The following DNAH6 variants were observed in gnomAD, a reference collection of about 807,000 sequenced individuals.
The protein encoded by DNAH6 is dynein axonemal heavy chain 6.
Under a neutral mutation model 491.4 loss-of-function variants are expected in DNAH6, and 340 were observed. That is an observed-to-expected ratio of 0.69 (90% CI 0.63 to 0.76). The LOEUF (loss-of-function observed/expected upper bound fraction) is 0.76, where lower values mean the gene tolerates loss of function less well. DNAH6 is among the 30% of genes least tolerant of loss of function. The pLI is 0.00. For synonymous variants in DNAH6, 1,603 were observed against 1,686.1 expected, an observed-to-expected ratio of 0.95 and a Z score of 1.21; for missense variants, 4,443 against 4,972.2, an observed-to-expected ratio of 0.89 and a Z score of 3.20.
intron 23 of DNAH6, 117 bp from the exon 24 acceptor site, chr2:84,619,567 TG>T: frequency 1.2e-6 from 1 of 866,138 alleles, no homozygotes; most frequent in Non-Finnish European, 1.8e-6. Context: ...CCAGTATAAT[TG>T]GAGGTCCAGG....
chr2:84,729,998 A>C (rs1698992679), intron 61 of DNAH6, among the ~76,000 whole-genome samples: 1 of 152,212 alleles, frequency 6.6e-6, no homozygotes, highest in African/African-American at 2.4e-5. Context: ...TTGTGTCATT[A>C]TGCAAGGAAA....
the DNAH6 span, among the ~76,000 whole-genome samples, chr2:84,491,250 C>T: frequency 2.6e-5 from 4 of 152,168 alleles, no homozygotes; most frequent in Admixed American, 6.5e-5. Context: ...TATGTGAGTT[C>T]CAGTTTCAAC....
chr2:84,777,634 A>T, intron 64 of DNAH6: 5 of 805,432 alleles, frequency 6.2e-6, no homozygotes, highest in Non-Finnish European at 1.1e-5. Flanking sequence ...CATCAGCAAC[A>T]TTCACTCCAC....
chr2:84,518,759 GAACAAATATAAATGAACAAAATA>G (rs765190747), intron 2 of DNAH6, among the ~76,000 whole-genome samples: 33 of 152,156 alleles, frequency 2.2e-4, no homozygotes, highest in Non-Finnish European at 4.1e-4. Flanking sequence ...CAAAGCAAAT[GAACAAATATAAATGAACAAAATA>G]AACAAATATA....
At chr2:84,642,116 T>C in intron 33 of DNAH6, 62 bp downstream of exon 33, 2 of 1,063,044 alleles carry the variant, frequency 1.9e-6, no homozygotes, top group Non-Finnish European at 2.7e-6. Context: ...TGGTAGTCTT[T>C]TCTTCAATTA....
chr2:84,657,739 A>G (rs974334357), intron 35 of DNAH6, among the ~76,000 whole-genome samples: 3 of 152,000 alleles, frequency 2.0e-5, no homozygotes, highest in Non-Finnish European at 4.4e-5. Context: ...GATTTTCTAC[A>G]TAGACAATTA....
At chr2:84,553,980 G>A (rs1343937606) in intron 10 of DNAH6, among the ~76,000 whole-genome samples, 1 of 152,120 alleles carries the variant, frequency 6.6e-6, no homozygotes, top group Non-Finnish European at 1.5e-5. Context: ...CAGGCTGCTG[G>A]AAGAATTCAG....
At chr2:84,491,180 A>G in the DNAH6 span, among the ~76,000 whole-genome samples, 1 of 152,196 alleles carries the variant, frequency 6.6e-6, no homozygotes, top group East Asian at 1.9e-4. Context: ...TTACCTTCAT[A>G]AGAAACTGCC....
chr2:84,705,448 C>T (rs1313531256), intron 51 of DNAH6, 38 bp from the exon 52 acceptor site: 4 of 1,478,420 alleles, frequency 2.7e-6, no homozygotes, highest in Non-Finnish European at 3.6e-6. Context: ...TATATTACTT[C>T]ATTTCAGTGC....
intron 45 of DNAH6, among the ~76,000 whole-genome samples, chr2:84,693,605 T>A (rs1176561797): frequency 6.6e-6 from 1 of 151,920 alleles, no homozygotes; most frequent in Non-Finnish European, 1.5e-5. Flanking sequence ...TAGCCGGGCA[T>A]GGTGGCAGCC....
At chr2:84,766,754 C>G (rs1675118343) in intron 64 of DNAH6, among the ~76,000 whole-genome samples, 1 of 152,042 alleles carries the variant, frequency 6.6e-6, no homozygotes, top group South Asian at 2.1e-4. Context: ...CCTAGAGGCA[C>G]CAGAGGAGGA....
Position 84,621,381 on chromosome 2 carries a change from C to T in DNAH6, c.3957+26C>T, listed in dbSNP as rs1256699155. 2.6e-6 allele frequency: 4 copies of T among 1,548,562 alleles called. No homozygotes were observed. In the Admixed American group the frequency reaches 7.8e-5, roughly 30 times the overall value. ...GTAACTCACACTCACATTTCATATC[C>T]CTGAATTCTTATTTGGTGATATGCA... On this transcript the variant is annotated intron_variant, in intron 25 of 76. Transcript: ENST00000389394.
chr2:84,494,543 G>A, the DNAH6 span, among the ~76,000 whole-genome samples: 5 of 152,224 alleles, frequency 3.3e-5, no homozygotes, highest in East Asian at 9.7e-4. Context: ...AGGTTAGGAG[G>A]GAGAGATTTA....
intron 68 of DNAH6, among the ~76,000 whole-genome samples, chr2:84,794,186 T>C (rs534421385): frequency 1.3e-3 from 196 of 152,292 alleles, no homozygotes; most frequent in African/African-American, 4.5e-3. Flanking sequence ...TCAAGATGGA[T>C]TAAAGACTTA....
intron 63 of DNAH6, among the ~76,000 whole-genome samples, chr2:84,749,281 T>C (rs1673245235): frequency 1.3e-5 from 2 of 152,028 alleles, no homozygotes; most frequent in African/African-American, 4.8e-5. Context: ...ATTGAGAGTG[T>C]TGGTAAGAGT....
intron 2 of DNAH6, among the ~76,000 whole-genome samples, chr2:84,519,054 A>T (rs1675882463): frequency 6.6e-6 from 1 of 152,090 alleles, no homozygotes; most frequent in Admixed American, 6.6e-5. Context: ...CTAAAAAAAG[A>T]AAAGAAAAGA....
Position 84,616,935 on chromosome 2 carries a change from G to A in DNAH6, c.3525G>A (p.Gln1175=). The stretch of plus-strand genomic sequence containing the variant: ...ATAATGCATTACTTGACCAAATTCA[G>A]AAGTGCCTAGAGGCATACTTAGAAT... ...QNNNALLDQI[Q]KCLEAYLESK... Residue 1175 remains glutamine (Q), a synonymous_variant, in exon 23 of 77, where the codon CAG becomes CAA. Coordinates refer to ENST00000389394, the MANE Select transcript of DNAH6 (RefSeq NM_001370.2). The A allele has an allele frequency of 1.3e-6, 2 of 1,501,792 alleles. No individual in the cohort carries two copies. Among genetic ancestry groups the A allele is most frequent in the Admixed American group, 2.5e-5 (1 of 40,618 alleles). 93.0% of individuals were successfully genotyped at this position (1,501,792 alleles called of 1,614,324 possible).
In DNAH6 at chr2:84,595,591, C is replaced by T. The variant is rs6761632; in HGVS notation, c.2725-55C>T. 1,312,902 of 1,439,990 alleles carry T rather than the reference C, an allele frequency of 0.91. 600,536 individuals carry two copies. Among genetic ancestry groups the T allele is most frequent in the East Asian group, 0.98 (38,171 of 38,996 alleles). The allele number at this position is 1,439,990 out of a possible 1,614,324, so 89.2% of individuals were successfully genotyped here. On this transcript the variant is annotated intron_variant, in intron 17 of 76. Transcript: ENST00000389394. ...TAAAAGTTTTTTTAGTATTTCAAACCTGACTTTTACTTTATGTTTTAACTT... is the reference window on the plus strand; with the variant it reads ...TAAAAGTTTTTTTAGTATTTCAAACTTGACTTTTACTTTATGTTTTAACTT...
intron 3 of DNAH6, among the ~76,000 whole-genome samples, chr2:84,528,527 G>C (rs140013857): frequency 0.012 from 1,812 of 152,196 alleles, 15 homozygotes; most frequent in Non-Finnish European, 0.017. Context: ...CAGAACAGAG[G>C]GGGAGGTTGG....
Sources: allele counts gnomAD v4.1 joint callset (sites outside exome capture counted in the v4.1 genomes callset), GRCh38; gene constraint gnomAD v4.1.1; transcripts MANE v1.5; gene names NCBI Gene and HGNC (gene_info 2026-07-23, HGNC 2026-07-21).